The following CCSER1 variants were observed in gnomAD, a reference collection of about 807,000 sequenced individuals.
CCSER1 encodes serine-rich coiled-coil domain-containing protein 1.
Under a neutral mutation model 82.0 loss-of-function variants are expected in CCSER1, and 41 were observed. The observed-to-expected ratio is 0.50, with a 90% CI of 0.39 to 0.65. The LOEUF (loss-of-function observed/expected upper bound fraction) is 0.65. CCSER1 is among the 30% of genes least tolerant of loss of function. The pLI is 0.00. For synonymous variants in CCSER1, 414 were observed against 383.9 expected (o/e 1.08, Z -0.92); for missense variants, 1,119 against 1,064.2 (o/e 1.05, Z -0.72).
chr4:90,662,774 C>T (rs1158457595), intron 6 of CCSER1, among the ~76,000 whole-genome samples: 1 of 152,056 alleles, frequency 6.6e-6, no homozygotes, highest in Non-Finnish European at 1.5e-5. Context: ...TTTTTCATTA[C>T]GCTCTTGTCT....
chr4:90,371,737 A>T (rs1343504710), intron 3 of CCSER1, among the ~76,000 whole-genome samples: 2 of 152,196 alleles, frequency 1.3e-5, no homozygotes, highest in African/African-American at 2.4e-5. Context: ...AAACAGTGTT[A>T]GGATCAGGGT....
At chr4:90,285,835 TTA>T (rs1380704038) in intron 1 of CCSER1, among the ~76,000 whole-genome samples, 4 of 151,940 alleles carry the variant, frequency 2.6e-5, no homozygotes, top group Non-Finnish European at 5.9e-5. Flanking sequence ...TTGAGAGCTT[TTA>T]TCATGAAGGG....
At chr4:91,464,074 A>G (rs1756697136) in intron 10 of CCSER1, among the ~76,000 whole-genome samples, 1 of 152,104 alleles carries the variant, frequency 6.6e-6, no homozygotes, top group Admixed American at 6.6e-5. Context: ...AAGTTGAAAT[A>G]AAGGAAAAAA....
chr4:91,194,384 A>C (rs1201567618), intron 10 of CCSER1, among the ~76,000 whole-genome samples: 1 of 152,224 alleles, frequency 6.6e-6, no homozygotes, highest in Non-Finnish European at 1.5e-5. Flanking sequence ...GGATAAGCCA[A>C]AATATAATTC....
At chr4:90,374,143 G>A (rs572582351) in intron 3 of CCSER1, among the ~76,000 whole-genome samples, 1 of 152,296 alleles carries the variant, frequency 6.6e-6, no homozygotes, top group South Asian at 2.1e-4. Context: ...CTATGAGGAT[G>A]TGAAAATAAA....
At chr4:90,300,699 T>C (rs1732926587) in intron 1 of CCSER1, among the ~76,000 whole-genome samples, 1 of 152,196 alleles carries the variant, frequency 6.6e-6, no homozygotes, top group African/African-American at 2.4e-5. Context: ...TTTGCTTTCC[T>C]TTTACCTGTA....
chr4:91,582,816 A>G (rs1264461054), intron 10 of CCSER1, among the ~76,000 whole-genome samples: 1 of 151,504 alleles, frequency 6.6e-6, no homozygotes, highest in Non-Finnish European at 1.5e-5. Flanking sequence ...TCTTAGGAAC[A>G]TATGACATGC....
intron 10 of CCSER1, among the ~76,000 whole-genome samples, chr4:91,120,345 T>C (rs890489447): frequency 6.6e-6 from 1 of 152,016 alleles, no homozygotes; most frequent in Admixed American, 6.6e-5. Flanking sequence ...TATAATTACG[T>C]GGTCTTATAT....
At chr4:91,266,649 T>A (rs1185091405) in intron 10 of CCSER1, among the ~76,000 whole-genome samples, 1 of 152,180 alleles carries the variant, frequency 6.6e-6, no homozygotes, top group African/African-American at 2.4e-5. Flanking sequence ...CTTGGTCTCA[T>A]GTTAAAATAC....
intron 3 of CCSER1, among the ~76,000 whole-genome samples, chr4:90,367,753 A>G (rs764404410): frequency 1.3e-5 from 2 of 151,866 alleles, no homozygotes; most frequent in African/African-American, 2.4e-5. Context: ...GTTCCAGAAA[A>G]CAGTCCGGTT....
intron 10 of CCSER1, among the ~76,000 whole-genome samples, chr4:91,335,406 T>C (rs1747248298): frequency 6.6e-6 from 1 of 151,872 alleles, no homozygotes; most frequent in East Asian, 1.9e-4. Context: ...GCGGGAAGGG[T>C]GGCTGTGAAG....
intron 10 of CCSER1, among the ~76,000 whole-genome samples, chr4:91,521,243 C>T (rs984976018): frequency 6.6e-6 from 1 of 152,156 alleles, no homozygotes; most frequent in Non-Finnish European, 1.5e-5. Context: ...CATAGTATTC[C>T]ATGTTGTATA....
chr4:90,703,215 T>C (rs539427394), intron 6 of CCSER1, among the ~76,000 whole-genome samples: 2 of 152,340 alleles, frequency 1.3e-5, no homozygotes, highest in South Asian at 2.1e-4. Context: ...TATTTCTGCC[T>C]TCATTTCGTT....
At chr4:90,227,198 T>C (rs1743332222) in intron 1 of CCSER1, among the ~76,000 whole-genome samples, 1 of 152,230 alleles carries the variant, frequency 6.6e-6, no homozygotes, top group South Asian at 2.1e-4. Flanking sequence ...AGAACTAAAA[T>C]GGCAAATCTA....
intron 8 of CCSER1, among the ~76,000 whole-genome samples, chr4:90,907,075 C>T (rs1394327622): frequency 2.0e-5 from 3 of 152,102 alleles, no homozygotes; most frequent in African/African-American, 7.2e-5. Context: ...ACATTCTTCT[C>T]TGAACTGAAG....
In CCSER1 at chr4:90,400,140, A is replaced by G. The variant is rs373837845; in HGVS notation, c.1603+11A>G. 2 of 1,460,092 alleles carry G rather than the reference A, an allele frequency of 1.4e-6. No individual in the cohort carries two copies. The highest frequency in any genetic ancestry group is 2.3e-5 in the South Asian group (2 of 86,198). 90.4% of individuals were successfully genotyped at this position (1,460,092 alleles called of 1,614,324 possible). On this transcript the variant is annotated intron_variant, in intron 4 of 10. Coordinates refer to ENST00000509176, the MANE Select transcript of CCSER1 (RefSeq NM_001145065.2). ...GTCTTCACCCTTCTGGTAAGTGTTA[A>G]AGAGATGAATAATATCATACAACTC... is the stretch of plus-strand genomic sequence containing the variant.
intron 6 of CCSER1, among the ~76,000 whole-genome samples, chr4:90,654,430 AT>A (rs1729336706): frequency 6.6e-6 from 1 of 152,026 alleles, no homozygotes; most frequent in African/African-American, 2.4e-5. Flanking sequence ...CTAAATTCTA[AT>A]TCTTATAGTT....
At chr4:90,903,109 G>A (rs1176617291) in intron 8 of CCSER1, among the ~76,000 whole-genome samples, 2 of 152,088 alleles carry the variant, frequency 1.3e-5, no homozygotes, top group Admixed American at 6.6e-5. Flanking sequence ...CATAAACAGT[G>A]TCTCAATAAA....
intron 10 of CCSER1, among the ~76,000 whole-genome samples, chr4:91,458,372 G>A (rs919318453): frequency 3.9e-5 from 6 of 152,136 alleles, no homozygotes; most frequent in Non-Finnish European, 8.8e-5. Flanking sequence ...TCTTCCATTG[G>A]TCTATGTGTC....
Sources: allele counts gnomAD v4.1 joint callset (sites outside exome capture counted in the v4.1 genomes callset), GRCh38; gene constraint gnomAD v4.1.1; transcripts MANE v1.5; gene names NCBI Gene and HGNC (gene_info 2026-07-23, HGNC 2026-07-21).